MRAP2: variants seen among roughly 807,000 people sequenced by gnomAD.
MRAP2 encodes melanocortin-2 receptor accessory protein 2.
In MRAP2, 20 loss-of-function variants were observed where a neutral mutation model predicts 17.4. The observed-to-expected ratio is 1.15, with a 90% CI of 0.81 to 1.67. The LOEUF (loss-of-function observed/expected upper bound fraction) is 1.67, where lower values mean the gene tolerates loss of function less well. Among genes scored for constraint, MRAP2 ranks in the 40% most tolerant of loss-of-function variants. The probability of loss-of-function intolerance (pLI) is 0.00; values close to 1 mark genes in which losing one functional copy is unlikely to be tolerated. For synonymous variants in MRAP2, 96 were observed against 88.4 expected, an observed-to-expected ratio of 1.09 and a Z score of -0.48; for missense variants, 238 against 240.0, an observed-to-expected ratio of 0.99 and a Z score of 0.05.
chr6:84,065,284 CAA>C (rs34029427), intron 3 of MRAP2, among the ~76,000 whole-genome samples: 1 of 135,638 alleles, frequency 7.4e-6, no homozygotes, highest in Non-Finnish European at 1.6e-5. Context: ...GACCCTGTCT[CAA>C]AAAAAAAAAA....
intron 3 of MRAP2, among the ~76,000 whole-genome samples, chr6:84,072,765 A>T (rs927418036): frequency 1.1e-4 from 17 of 151,812 alleles, no homozygotes; most frequent in African/African-American, 2.9e-4. Flanking sequence ...GCTGTGGGAG[A>T]TGGGGGTGAG....
chr6:84,055,265 C>T, intron 1 of MRAP2, 47 bp from the exon 2 acceptor site: 10 of 1,581,838 alleles, frequency 6.3e-6, no homozygotes, highest in Non-Finnish European at 8.5e-6. Flanking sequence ...CTGTGCAGCT[C>T]TGGATGAATT....
At chr6:84,122,047 G>C in the MRAP2 span, among the ~76,000 whole-genome samples, 2 of 151,978 alleles carry the variant, frequency 1.3e-5, no homozygotes, top group Non-Finnish European at 2.9e-5. Flanking sequence ...AACCAATAAT[G>C]AGTAAATAAA....
At chr6:84,143,522 G>GA in the MRAP2 span, among the ~76,000 whole-genome samples, 1 of 151,768 alleles carries the variant, frequency 6.6e-6, no homozygotes, top group Non-Finnish European at 1.5e-5. Flanking sequence ...TTCGTTAAGG[G>GA]AAAAAATAAT....
intron 3 of MRAP2, 48 bp downstream of exon 3, chr6:84,063,040 G>A (rs761517303): frequency 1.2e-6 from 2 of 1,612,370 alleles, no homozygotes; most frequent in Non-Finnish European, 1.7e-6. Flanking sequence ...ACAGGAGACT[G>A]AGGAAATAGA....
the MRAP2 span, chr6:84,125,063 A>G: frequency 6.2e-7 from 1 of 1,605,600 alleles, no homozygotes; most frequent in Non-Finnish European, 8.5e-7. Context: ...TGAAATCTGA[A>G]TTTCTATTAA....
intron 1 of MRAP2, among the ~76,000 whole-genome samples, chr6:84,050,511 G>A (rs2099490160): frequency 6.6e-6 from 1 of 152,184 alleles, no homozygotes; most frequent in South Asian, 2.1e-4. Context: ...TTCTGTGCAA[G>A]GAGGAAATTA....
the MRAP2 span, among the ~76,000 whole-genome samples, chr6:84,130,493 T>G: frequency 5.3e-5 from 8 of 152,136 alleles, no homozygotes; most frequent in Non-Finnish European, 1.2e-4. Context: ...GTCCTGGACT[T>G]TTTTTGGTTG....
the MRAP2 span, among the ~76,000 whole-genome samples, chr6:84,128,804 T>C: frequency 6.6e-6 from 1 of 152,120 alleles, no homozygotes; most frequent in African/African-American, 2.4e-5. Flanking sequence ...CAACCCGTCA[T>C]CTACATTAGG....
At chr6:84,087,410 G>T (rs2099500767) in intron 3 of MRAP2, among the ~76,000 whole-genome samples, 1 of 152,188 alleles carries the variant, frequency 6.6e-6, no homozygotes, top group Admixed American at 6.5e-5. Context: ...AGGCAGGTTT[G>T]CCCTAAGCAG....
intron 3 of MRAP2, among the ~76,000 whole-genome samples, chr6:84,063,762 T>C (rs2099493769): frequency 6.6e-6 from 1 of 152,098 alleles, no homozygotes; most frequent in Non-Finnish European, 1.5e-5. Context: ...TTAAAAGAGT[T>C]TTTGGCCGGT....
rs1211632118 is a variant in MRAP2 at position 84,052,707 on chromosome 6, C to T, written c.-7-2605C>T. 2.1e-5 allele frequency: 11 copies of T among 513,598 alleles called. No individual in the cohort carries two copies. In the Admixed American group the frequency reaches 6.4e-4, roughly 30 times the overall value. 31.8% of individuals were successfully genotyped at this position (513,598 alleles called of 1,614,324 possible). ...AAATGCCCCTCCTTTTGTTTGAAGG[C>T]TACCCAGGCAACTGGTGGCTGCCTG... On this transcript the variant is annotated intron_variant, in intron 1 of 3. Transcript: ENST00000257776.
At chr6:84,035,972 G>A (rs948364063) in intron 1 of MRAP2, among the ~76,000 whole-genome samples, 1 of 152,082 alleles carries the variant, frequency 6.6e-6, no homozygotes, top group African/African-American at 2.4e-5. Flanking sequence ...TAGCTTTCAA[G>A]GGAAATGTTT....
chr6:84,132,429 G>C, the MRAP2 span, among the ~76,000 whole-genome samples: 2 of 152,176 alleles, frequency 1.3e-5, no homozygotes, highest in African/African-American at 4.8e-5. Context: ...ATAATATCCT[G>C]AAGAGTGTTT....
the MRAP2 span, among the ~76,000 whole-genome samples, chr6:84,112,136 G>A: frequency 7.8e-4 from 118 of 152,250 alleles, no homozygotes; most frequent in Admixed American, 2.2e-3. Context: ...TTAGGGAGGA[G>A]TCCCCCTTTT....
chr6:84,145,909 A>G, the MRAP2 span, among the ~76,000 whole-genome samples: 1 of 152,080 alleles, frequency 6.6e-6, no homozygotes, highest in Non-Finnish European at 1.5e-5. Flanking sequence ...TACTCCTACC[A>G]TTAACTTTTG....
intron 1 of MRAP2, among the ~76,000 whole-genome samples, chr6:84,051,645 C>T (rs992651750): frequency 2.6e-5 from 4 of 152,130 alleles, no homozygotes; most frequent in African/African-American, 7.2e-5. Flanking sequence ...ATCGTTTCAG[C>T]CAGGGAGGTC....
At chr6:84,130,010 T>G in the MRAP2 span, among the ~76,000 whole-genome samples, 2 of 152,194 alleles carry the variant, frequency 1.3e-5, no homozygotes, top group Non-Finnish European at 2.9e-5. Context: ...TTGTCATAAA[T>G]AGCTATTATT....
chr6:84,064,139 AG>A (rs997235467), intron 3 of MRAP2, among the ~76,000 whole-genome samples: 8 of 151,578 alleles, frequency 5.3e-5, no homozygotes, highest in Non-Finnish European at 2.9e-5. Flanking sequence ...GCAGGACAGC[AG>A]GGCTGGCAAC....
Sources: gnomAD v4.1 joint callset for allele counts (sites outside exome capture counted in the v4.1 genomes callset) on GRCh38, gnomAD v4.1.1 for gene constraint, MANE v1.5 for transcripts, NCBI Gene and HGNC (gene_info 2026-07-23, HGNC 2026-07-21) for gene names.